The following ATP8B4 variants were observed in gnomAD, a reference collection of about 807,000 sequenced individuals.
ATP8B4 encodes the protein ATPase phospholipid transporting 8B4 (putative).
ATP8B4 carries 133 observed loss-of-function variants against 145.6 expected under a neutral mutation model. The ratio of observed to expected loss-of-function variants is 0.91; its 90% CI spans 0.79 to 1.05. The LOEUF is 1.05. Ranked by LOEUF, ATP8B4 falls within the 50% of genes least tolerant of loss-of-function variation. ATP8B4 has a pLI of 0.00. For missense variants in ATP8B4, 1,458 were observed against 1,425.2 expected, an observed-to-expected ratio of 1.02 and a Z score of -0.37; for synonymous variants, 507 against 492.9, an observed-to-expected ratio of 1.03 and a Z score of -0.38.
chr15:49,986,164 G>C (rs1479854321), intron 10 of ATP8B4, among the ~76,000 whole-genome samples: 4 of 152,154 alleles, frequency 2.6e-5, no homozygotes, highest in African/African-American at 9.7e-5. Flanking sequence ...ATGAAACGTT[G>C]TAGCTGAACT....
chr15:50,103,619 G>A (rs12905011), intron 2 of ATP8B4, among the ~76,000 whole-genome samples: 26,986 of 152,058 alleles, frequency 0.18, 2,810 homozygotes, highest in Middle Eastern at 0.31. Context: ...CATGCTCATG[G>A]ATGGGTAGAA....
At chr15:50,134,129 A>C (rs1429048761) in intron 1 of ATP8B4, among the ~76,000 whole-genome samples, 1 of 149,286 alleles carries the variant, frequency 6.7e-6, no homozygotes, top group African/African-American at 2.5e-5. Context: ...ATTATACCTC[A>C]GTAAAACTAA....
At chr15:50,126,851 G>A (rs1022380385) in intron 1 of ATP8B4, among the ~76,000 whole-genome samples, 21 of 151,480 alleles carry the variant, frequency 1.4e-4, no homozygotes, top group African/African-American at 4.9e-4. Context: ...GCAGAAACCT[G>A]CCCACAGCCC....
chr15:49,939,645 T>C (rs572503267), intron 14 of ATP8B4, among the ~76,000 whole-genome samples: 1 of 152,290 alleles, frequency 6.6e-6, no homozygotes, highest in African/African-American at 2.4e-5. Context: ...TCAGACCAGA[T>C]GGATTCACAG....
At chr15:49,880,006 A>G (rs2035137587) in intron 23 of ATP8B4, 1 of 152,272 alleles carries the variant, frequency 6.6e-6, no homozygotes, top group African/African-American at 2.4e-5. Context: ...TAGACTAATT[A>G]CACAAGAATT....
Position 49,897,327 on chromosome 15 carries a change from A to AAT in ATP8B4, c.2660_2661dup (p.Phe888IlefsTer34). 6.2e-7 allele frequency: 1 copy of AAT among 1,612,632 alleles called. No individual in the cohort carries two copies. Among genetic ancestry groups the AAT allele is most frequent in the Non-Finnish European group, 8.5e-7 (1 of 1,179,522 alleles). On this transcript the variant is annotated frameshift_variant, in exon 23 of 28. Transcript: ENST00000284509. LOFTEE classifies it high-confidence loss of function. ...AAACCACAGAAGAAACCAAACCAGA[A>AAT]ATGCACAAGTGTAAATGCAAAATTC... is the stretch of plus-strand genomic sequence containing the variant.
chr15:49,898,666 G>T (rs1051093960), intron 21 of ATP8B4, among the ~76,000 whole-genome samples: 1 of 152,016 alleles, frequency 6.6e-6, no homozygotes, highest in African/African-American at 2.4e-5. Flanking sequence ...CTATCTGATG[G>T]GCTTTTTGTT....
intron 6 of ATP8B4, among the ~76,000 whole-genome samples, chr15:50,023,520 A>G (rs1023156224): frequency 2.0e-5 from 3 of 152,138 alleles, no homozygotes; most frequent in Admixed American, 1.3e-4. Context: ...AATGCTCCCT[A>G]TTTAATAGGG....
At chr15:50,111,867 A>G (rs922502397) in intron 1 of ATP8B4, among the ~76,000 whole-genome samples, 1 of 152,226 alleles carries the variant, frequency 6.6e-6, no homozygotes, top group African/African-American at 2.4e-5. Context: ...ACATTCTGCA[A>G]TAAAAGAAAG....
chr15:49,891,781 T>G (rs555122011), intron 23 of ATP8B4, among the ~76,000 whole-genome samples: 1 of 152,280 alleles, frequency 6.6e-6, no homozygotes, highest in African/African-American at 2.4e-5. Flanking sequence ...GACAATGTCA[T>G]GTGACTCACA....
chr15:50,158,463 C>T (rs1210877918), intron 1 of ATP8B4, among the ~76,000 whole-genome samples: 18 of 150,250 alleles, frequency 1.2e-4, no homozygotes, highest in East Asian at 8.1e-4. Flanking sequence ...CCCGGCCAGC[C>T]GCCCCGTCCG....
At position 49,918,821 on chromosome 15, in the gene ATP8B4, C is replaced by T; in HGVS notation, c.2035+18G>A. ...CTCCCCATTTTCAAAATATCATCAA[C>T]ATCCATTTTCAAGTTACCTTGTTTG... On this transcript the variant is annotated intron_variant, in intron 19 of 27. Transcript: ENST00000284509. 6.5e-7 allele frequency: 1 copy of T among 1,549,128 alleles called. No individual in the cohort carries two copies. The highest frequency in any genetic ancestry group is 1.1e-5 in the South Asian group (1 of 87,068).
rs2031254065 is a variant in ATP8B4, at chr15:49,859,540, C to G, written c.*654G>C. 6.6e-6 allele frequency: 1 copy of G among 152,138 alleles called. No individual in the cohort carries two copies. Among genetic ancestry groups the G allele is most frequent in the African/African-American group, 2.4e-5 (1 of 41,442 alleles). 9.4% of individuals were successfully genotyped at this position (152,138 alleles called of 1,614,324 possible). A position where few individuals can be genotyped will look rare whatever the true frequency, so the allele number is the denominator to read the frequency against. ...TTTTTGAATAAATTTGATCAAATTA[C>G]CAGCCTATCCTGCTGCAAAGATGTT... On this transcript the variant is annotated 3_prime_UTR_variant, in exon 28 of 28. Coordinates refer to ENST00000284509, the MANE Select transcript of ATP8B4 (RefSeq NM_024837.4).
intron 23 of ATP8B4, among the ~76,000 whole-genome samples, chr15:49,890,840 T>C (rs1331255845): frequency 6.6e-6 from 1 of 152,192 alleles, no homozygotes; most frequent in Non-Finnish European, 1.5e-5. Context: ...CAGTCTTCAA[T>C]ACCGCGAACA....
At chr15:50,048,741 C>A (rs992904779) in intron 3 of ATP8B4, among the ~76,000 whole-genome samples, 7 of 150,236 alleles carry the variant, frequency 4.7e-5, no homozygotes, top group African/African-American at 1.7e-4. Flanking sequence ...GCAAAGGGGA[C>A]ATTACCAAGA....
At chr15:49,906,502 G>A (rs2038644415) in intron 20 of ATP8B4, among the ~76,000 whole-genome samples, 1 of 152,092 alleles carries the variant, frequency 6.6e-6, no homozygotes, top group Admixed American at 6.5e-5. Context: ...CTACTACTAG[G>A]ACCACAAGTG....
intron 13 of ATP8B4, among the ~76,000 whole-genome samples, chr15:49,964,866 G>A (rs1051931907): frequency 6.6e-6 from 1 of 152,120 alleles, no homozygotes; most frequent in Non-Finnish European, 1.5e-5. Context: ...TCCTAGAAGT[G>A]ATTGTATTAT....
intron 1 of ATP8B4, among the ~76,000 whole-genome samples, chr15:50,147,170 C>T (rs2044288067): frequency 6.6e-6 from 1 of 152,062 alleles, no homozygotes; most frequent in South Asian, 2.1e-4. Context: ...AATCCCAGCA[C>T]TTGGGGAGGT....
At chr15:49,868,342 TA>T (rs1212795687) in intron 25 of ATP8B4, among the ~76,000 whole-genome samples, 1 of 152,186 alleles carries the variant, frequency 6.6e-6, no homozygotes, top group Non-Finnish European at 1.5e-5. Flanking sequence ...GCTCGTCCAA[TA>T]TATCATGTAA....
Sources: gnomAD v4.1 joint callset for allele counts (sites outside exome capture counted in the v4.1 genomes callset) on GRCh38, gnomAD v4.1.1 for gene constraint, MANE v1.5 for transcripts, NCBI Gene and HGNC (gene_info 2026-07-23, HGNC 2026-07-21) for gene names.